TRAPPC9: variants seen among roughly 807,000 people sequenced by gnomAD.
The protein encoded by TRAPPC9 is trafficking protein particle complex subunit 9.
Under a neutral mutation model 124.0 loss-of-function variants are expected in TRAPPC9, and 83 were observed. The observed-to-expected ratio is 0.67, with a 90% CI of 0.56 to 0.80. The LOEUF is 0.80. Ranked by LOEUF, TRAPPC9 falls within the 30% of genes least tolerant of loss-of-function variation. The pLI, the probability that TRAPPC9 is intolerant of heterozygous loss-of-function variation, is 0.00. For missense variants in TRAPPC9, 1,302 were observed against 1,508.3 expected, an observed-to-expected ratio of 0.86 and a Z score of 2.27; for synonymous variants, 638 against 617.5, an observed-to-expected ratio of 1.03 and a Z score of -0.49.
intron 17 of TRAPPC9, among the ~76,000 whole-genome samples, chr8:140,062,124 C>G (rs997509000): frequency 6.6e-6 from 1 of 152,210 alleles, no homozygotes; most frequent in Non-Finnish European, 1.5e-5. Flanking sequence ...GCCTGACCAC[C>G]TGGGAGCCTG....
At position 140,283,888 on chromosome 8, in the gene TRAPPC9, C is replaced by T; in HGVS notation, c.2114+1G>A. The T allele has an allele frequency of 1.9e-6, 3 of 1,613,928 alleles. No individual in the cohort carries two copies. The highest frequency in any genetic ancestry group is 2.5e-6 in the Non-Finnish European group (3 of 1,180,000). ...TGCTCTGTGACCCTCGTGCACACTACCTGGGCAGAGAGGTGCTGATCTGCA... is the reference window on the plus strand; with the variant it reads ...TGCTCTGTGACCCTCGTGCACACTATCTGGGCAGAGAGGTGCTGATCTGCA... On this transcript the variant is annotated splice_donor_variant, in intron 14 of 22. Transcript: ENST00000438773. LOFTEE classifies it high-confidence loss of function.
intron 5 of TRAPPC9, among the ~76,000 whole-genome samples, chr8:140,411,740 T>C (rs574052693): frequency 7.9e-5 from 12 of 152,188 alleles, no homozygotes; most frequent in African/African-American, 1.2e-4. Context: ...AGAGCTTCCA[T>C]TGGCCAAATC....
chr8:139,896,571 G>A (rs751953245), intron 20 of TRAPPC9, among the ~76,000 whole-genome samples: 1 of 152,334 alleles, frequency 6.6e-6, no homozygotes, highest in Non-Finnish European at 1.5e-5. Context: ...CTAGCAAGTG[G>A]CAGGGGCCAG....
intron 21 of TRAPPC9, among the ~76,000 whole-genome samples, chr8:139,755,109 C>A (rs1361224532): frequency 6.6e-6 from 1 of 152,260 alleles, no homozygotes; most frequent in Non-Finnish European, 1.5e-5. Flanking sequence ...TTGGGGGAGC[C>A]ATGAGCTCCG....
At chr8:140,323,053 T>A (rs1186903680) in intron 9 of TRAPPC9, among the ~76,000 whole-genome samples, 1 of 152,168 alleles carries the variant, frequency 6.6e-6, no homozygotes, top group Non-Finnish European at 1.5e-5. Flanking sequence ...AAGGCATGAT[T>A]AGAGCCCCAC....
rs79857153 is a variant in TRAPPC9, at chr8:140,280,090, G to A, written c.2114+3799C>T. Among the ~76,000 whole-genome samples, 216 of 152,290 alleles carry A rather than the reference G, an allele frequency of 1.4e-3. 1 individual carries two copies. Among genetic ancestry groups the A allele is most frequent in the African/African-American group, 5.1e-3 (210 of 41,570 alleles). ...CTGCACAGGCCTGTGAGCGCGTGCC[G>A]TGACACTGTAGCTGAAGCTAGTGTC... On this transcript the variant is annotated intron_variant, in intron 14 of 22. Transcript: ENST00000438773.
intron 19 of TRAPPC9, among the ~76,000 whole-genome samples, chr8:139,964,924 A>G (rs1251247948): frequency 6.6e-6 from 1 of 152,204 alleles, no homozygotes; most frequent in Admixed American, 6.5e-5. Flanking sequence ...GCCCAAATGC[A>G]GCTGATCTAT....
In TRAPPC9 at chr8:139,815,774, T is replaced by C. The variant is rs931842028; in HGVS notation, c.3055+70105A>G. On this transcript the variant is annotated intron_variant, in intron 21 of 22. Transcript: ENST00000438773. Reference sequence around the variant, plus strand: ...TACCTACGGACTCGTGGTGGGAAGGTGGGGTGAGCAGTGGCTCCGGGGATC... The same window carrying C: ...TACCTACGGACTCGTGGTGGGAAGGCGGGGTGAGCAGTGGCTCCGGGGATC... 4.6e-5 allele frequency among the ~76,000 whole-genome samples: 7 copies of C among 152,098 alleles called. No individual in the cohort carries two copies. The East Asian group carries it at 1.4e-3, about 29-fold the overall frequency.
intron 21 of TRAPPC9, among the ~76,000 whole-genome samples, chr8:139,813,091 G>C (rs1197259715): frequency 1.3e-5 from 2 of 152,258 alleles, no homozygotes; most frequent in African/African-American, 2.4e-5. Flanking sequence ...GAGATGCAGA[G>C]GCCGGGTGCC....
chr8:140,166,853 G>A (rs1000423686), intron 17 of TRAPPC9, among the ~76,000 whole-genome samples: 1 of 152,160 alleles, frequency 6.6e-6, no homozygotes, highest in Non-Finnish European at 1.5e-5. Flanking sequence ...GCCCTGCACT[G>A]GGCCTAGGCC....
chr8:140,255,333 C>G (rs1230681004), intron 15 of TRAPPC9, among the ~76,000 whole-genome samples: 1 of 152,222 alleles, frequency 6.6e-6, no homozygotes, highest in South Asian at 2.1e-4. Context: ...GCATATGTAA[C>G]AGGTCATTCA....
intron 7 of TRAPPC9, among the ~76,000 whole-genome samples, chr8:140,377,084 G>A (rs780541648): frequency 5.9e-5 from 9 of 152,210 alleles, no homozygotes; most frequent in East Asian, 1.9e-4. Context: ...AGCAAAGTCC[G>A]CGCTTGACCC....
At chr8:140,174,339 G>T (rs2062020965) in intron 17 of TRAPPC9, among the ~76,000 whole-genome samples, 2 of 151,980 alleles carry the variant, frequency 1.3e-5, no homozygotes, top group African/African-American at 4.8e-5. Flanking sequence ...GTTTACCTGT[G>T]TAACAAACCT....
At chr8:140,116,334 C>G (rs774953433) in intron 17 of TRAPPC9, among the ~76,000 whole-genome samples, 1 of 152,186 alleles carries the variant, frequency 6.6e-6, no homozygotes, top group South Asian at 2.1e-4. Flanking sequence ...GGCCAACTTT[C>G]GGAGGCAGGA....
intron 10 of TRAPPC9, among the ~76,000 whole-genome samples, chr8:140,308,117 C>A (rs2066187337): frequency 6.6e-6 from 1 of 152,006 alleles, no homozygotes; most frequent in Admixed American, 6.6e-5. Flanking sequence ...GAAGCACAGG[C>A]ATTCCAAGCC....
chr8:140,267,964 C>T (rs542069474), intron 15 of TRAPPC9, among the ~76,000 whole-genome samples: 23 of 152,222 alleles, frequency 1.5e-4, no homozygotes, highest in Non-Finnish European at 3.2e-4. Flanking sequence ...CCACACCCAG[C>T]TGAGTAAAAG....
intron 2 of TRAPPC9, among the ~76,000 whole-genome samples, chr8:140,442,861 G>C (rs915255223): frequency 6.6e-6 from 1 of 151,458 alleles, no homozygotes; most frequent in Non-Finnish European, 1.5e-5. Flanking sequence ...TGGGCCTGGC[G>C]AGGTGGCTCA....
At chr8:139,944,585 T>C (rs922242467) in intron 19 of TRAPPC9, among the ~76,000 whole-genome samples, 2 of 151,986 alleles carry the variant, frequency 1.3e-5, no homozygotes, top group South Asian at 2.1e-4. Context: ...CATAAAGAGG[T>C]ATAGGTAAAA....
At chr8:140,442,723 C>T (rs559085626) in intron 2 of TRAPPC9, among the ~76,000 whole-genome samples, 3 of 152,124 alleles carry the variant, frequency 2.0e-5, no homozygotes, top group Admixed American at 1.3e-4. Flanking sequence ...TAAATTTCTA[C>T]ATTCAAATCC....
Sources: gnomAD v4.1 joint callset for allele counts (sites outside exome capture counted in the v4.1 genomes callset) on GRCh38, gnomAD v4.1.1 for gene constraint, MANE v1.5 for transcripts, NCBI Gene and HGNC (gene_info 2026-07-23, HGNC 2026-07-21) for gene names.